The following ITSN1 variants were observed in gnomAD, a reference collection of about 807,000 sequenced individuals.
ITSN1 encodes intersectin-1.
ITSN1 carries 58 observed loss-of-function variants against 239.8 expected under a neutral mutation model. That is an observed-to-expected ratio of 0.24 (90% CI 0.20 to 0.30). The LOEUF is 0.30. Ranked by LOEUF, ITSN1 falls within the 10% of genes least tolerant of loss-of-function variation. ITSN1 has a pLI of 1.00. For synonymous variants in ITSN1, 780 were observed against 770.8 expected (o/e 1.01, Z -0.20); for missense variants, 1,558 against 2,103.3 (o/e 0.74, Z 5.07).
intron 5 of ITSN1, among the ~76,000 whole-genome samples, chr21:33,743,320 G>A (rs937837645): frequency 1.3e-5 from 2 of 152,168 alleles, no homozygotes; most frequent in Non-Finnish European, 2.9e-5. Flanking sequence ...ACAAAAATTA[G>A]CTGGGTATGG....
At chr21:33,674,735 T>A (rs908517193) in intron 1 of ITSN1, among the ~76,000 whole-genome samples, 7 of 152,182 alleles carry the variant, frequency 4.6e-5, no homozygotes, top group Non-Finnish European at 7.3e-5. Context: ...TTTAAAAAGT[T>A]TATTTTACCT....
At chr21:33,745,331 T>C (rs1014169264) in intron 5 of ITSN1, among the ~76,000 whole-genome samples, 6 of 151,622 alleles carry the variant, frequency 4.0e-5, no homozygotes, top group Admixed American at 1.3e-4. Flanking sequence ...GAAAAGAAAA[T>C]GAAAAGGATG....
intron 1 of ITSN1, among the ~76,000 whole-genome samples, chr21:33,703,320 G>C (rs933244894): frequency 6.6e-6 from 1 of 152,008 alleles, no homozygotes; most frequent in Non-Finnish European, 1.5e-5. Context: ...AGGATCATCA[G>C]TATTTTTTCT....
Position 33,827,261 on chromosome 21 carries a change from A to T in ITSN1, c.3229+398A>T. Among the ~76,000 whole-genome samples, 2 of 152,248 alleles carry T rather than the reference A, an allele frequency of 1.3e-5. 1 individual carries two copies. Among genetic ancestry groups the T allele is most frequent in the South Asian group, 4.2e-4 (2 of 4,818 alleles). On this transcript the variant is annotated intron_variant, in intron 26 of 39. Coordinates refer to ENST00000381318, the MANE Select transcript of ITSN1 (RefSeq NM_003024.3). ...CAAAAAATAGAAAAATTAGCCAGGC[A>T]TAGTGGCATACACCTGTAATCCCAG...
chr21:33,694,725 A>G (rs562322240), intron 1 of ITSN1, among the ~76,000 whole-genome samples: 6 of 152,146 alleles, frequency 3.9e-5, no homozygotes, highest in African/African-American at 1.4e-4. Flanking sequence ...GGAGGCTGAC[A>G]GGAGAATTAC....
intron 11 of ITSN1, among the ~76,000 whole-genome samples, chr21:33,771,598 G>A (rs1260924312): frequency 6.6e-6 from 1 of 152,178 alleles, no homozygotes; most frequent in Non-Finnish European, 1.5e-5. Flanking sequence ...TAGGGATCAG[G>A]GCACAGCTTG....
At chr21:33,801,573 C>T (rs1175618545) in intron 19 of ITSN1, among the ~76,000 whole-genome samples, 1 of 152,160 alleles carries the variant, frequency 6.6e-6, no homozygotes, top group East Asian at 1.9e-4. Context: ...AGTGATCCTC[C>T]TGCCTCAGCC....
intron 24 of ITSN1, among the ~76,000 whole-genome samples, chr21:33,820,262 C>T (rs2073583923): frequency 6.6e-6 from 1 of 152,176 alleles, no homozygotes; most frequent in South Asian, 2.1e-4. Flanking sequence ...GTAATTCAGG[C>T]CCTCATGGTA....
intron 1 of ITSN1, among the ~76,000 whole-genome samples, chr21:33,668,118 A>G (rs1029943885): frequency 6.6e-6 from 1 of 152,216 alleles, no homozygotes; most frequent in African/African-American, 2.4e-5. Context: ...CTTTGGAGCA[A>G]GATGCATTTT....
intron 14 of ITSN1, among the ~76,000 whole-genome samples, chr21:33,778,319 C>G (rs2147854786): frequency 6.6e-6 from 1 of 151,828 alleles, no homozygotes; most frequent in South Asian, 2.1e-4. Flanking sequence ...GGAAAATATT[C>G]CTTCCTCCTC....
intron 27 of ITSN1, among the ~76,000 whole-genome samples, 182 bp from the exon 28 acceptor site, chr21:33,834,125 C>T (rs2148392862): frequency 6.6e-6 from 1 of 152,258 alleles, no homozygotes; most frequent in South Asian, 2.1e-4. Context: ...CAGTGATTGC[C>T]ACAATTTGAA....
intron 31 of ITSN1, 112 bp downstream of exon 31, chr21:33,858,904 C>CT (rs60886019): frequency 0.079 from 34,993 of 440,540 alleles, 538 homozygotes; most frequent in East Asian, 0.15. Context: ...TTCTTTCTGG[C>CT]TTTTTTTTTT....
Position 33,865,428 on chromosome 21 carries a change from G to A in ITSN1, c.4074+94G>A. On this transcript the variant is annotated intron_variant, in intron 32 of 39. Coordinates refer to ENST00000381318, the MANE Select transcript of ITSN1 (RefSeq NM_003024.3). This position sits in a 1 kb window ranked among gnomAD's most constrained non-coding sequence, Gnocchi z 4.4. Reference sequence around the variant, plus strand: ...GGCTAATTCAAAAGTCTGCAAGAGTGTTCCCACTAGAGGCCAACAGGGCCT... The same window carrying A: ...GGCTAATTCAAAAGTCTGCAAGAGTATTCCCACTAGAGGCCAACAGGGCCT... 9.3e-7 allele frequency: 1 copy of A among 1,078,822 alleles called. No homozygotes were observed. Among genetic ancestry groups the A allele is most frequent in the Non-Finnish European group, 1.3e-6 (1 of 768,234 alleles). 66.8% of individuals were successfully genotyped at this position (1,078,822 alleles called of 1,614,324 possible). A position where few individuals can be genotyped will look rare whatever the true frequency, so the allele number is the denominator to read the frequency against.
intron 25 of ITSN1, among the ~76,000 whole-genome samples, 169 bp from the exon 26 acceptor site, chr21:33,826,649 C>T (rs901354852): frequency 8.6e-5 from 13 of 151,976 alleles, no homozygotes; most frequent in Admixed American, 7.9e-4. Context: ...TTATTTTTTT[C>T]CATGTTTTCC....
At chr21:33,879,460 G>A (rs1984536933) in intron 34 of ITSN1, among the ~76,000 whole-genome samples, 3 of 152,234 alleles carry the variant, frequency 2.0e-5, no homozygotes, top group Admixed American at 1.3e-4. Context: ...CAGGGCTGCA[G>A]GGCAGGCTGA....
At chr21:33,875,550 C>T in intron 34 of ITSN1, 29 bp downstream of exon 34, 11 of 1,604,042 alleles carry the variant, frequency 6.9e-6, no homozygotes, top group Non-Finnish European at 8.5e-6. Flanking sequence ...GGGCCCTGGT[C>T]TCCCCCGGCA....
chr21:33,844,482 A>G (rs758193360), intron 29 of ITSN1, among the ~76,000 whole-genome samples: 9 of 152,198 alleles, frequency 5.9e-5, no homozygotes, highest in Non-Finnish European at 1.2e-4. Context: ...CCAGCAAAGA[A>G]TGGAACGTTC....
intron 1 of ITSN1, among the ~76,000 whole-genome samples, chr21:33,684,631 A>G (rs2091146461): frequency 6.6e-6 from 1 of 151,980 alleles, no homozygotes; most frequent in African/African-American, 2.4e-5. Flanking sequence ...TCTTATTAGG[A>G]TGAGGGAAAA....
intron 38 of ITSN1, 101 bp from the exon 39 acceptor site, chr21:33,886,186 T>C (rs907099491): frequency 1.6e-5 from 16 of 990,866 alleles, no homozygotes; most frequent in Non-Finnish European, 2.4e-5. Context: ...CACTGCAGCC[T>C]GGGCGACAGA....
Sources: gnomAD v4.1 joint callset for allele counts (sites outside exome capture counted in the v4.1 genomes callset) on GRCh38, gnomAD v4.1.1 for gene constraint, Gnocchi (gnomAD v3.1) non-coding constraint, MANE v1.5 for transcripts, NCBI Gene and HGNC (gene_info 2026-07-23, HGNC 2026-07-21) for gene names.